The following RTL4 variants were observed in gnomAD, a reference collection of about 807,000 sequenced individuals.
RTL4 encodes retrotransposon Gag-like protein 4.
RTL4 carries 4 observed loss-of-function variants against 5.3 expected under a neutral mutation model. The ratio of observed to expected loss-of-function variants is 0.75; its 90% CI spans 0.37 to 1.72. The LOEUF is 1.72. Among genes scored for constraint, RTL4 ranks in the 40% most tolerant of loss-of-function variants. The pLI, the probability that RTL4 is intolerant of heterozygous loss-of-function variation, is 0.04. For synonymous variants in RTL4, 98 were observed against 87.3 expected (o/e 1.12, Z -0.68); for missense variants, 260 against 227.1 (o/e 1.14, Z -0.93).
At chrX:112,202,498 C>T in the RTL4 span, among the ~76,000 whole-genome samples, 4 of 108,278 alleles carry the variant, frequency 3.7e-5, no homozygotes, top group African/African-American at 1.3e-4. Context: ...CAAGAGTGCT[C>T]TTGTTGAGTC....
the RTL4 span, among the ~76,000 whole-genome samples, chrX:112,146,756 C>T: frequency 9.1e-6 from 1 of 109,446 alleles, no homozygotes; most frequent in African/African-American, 3.3e-5. Flanking sequence ...TGCTGAAAGA[C>T]CTGCGCTGAG....
chrX:112,354,829 G>C, the RTL4 span, among the ~76,000 whole-genome samples: 1 of 111,059 alleles, frequency 9.0e-6, no homozygotes, highest in Non-Finnish European at 1.9e-5. Flanking sequence ...ACTCTTTGAG[G>C]TTCACCCTTT....
At chrX:112,389,516 C>T in the RTL4 span, among the ~76,000 whole-genome samples, 1 of 111,039 alleles carries the variant, frequency 9.0e-6, no homozygotes, top group Non-Finnish European at 1.9e-5. Flanking sequence ...ATCTTTCTAA[C>T]TTTTTGATGT....
upstream of RTL4, among the ~76,000 whole-genome samples, chrX:112,452,957 G>A (rs1299291291): frequency 3.6e-5 from 4 of 109,737 alleles, no homozygotes; most frequent in Non-Finnish European, 7.6e-5. Flanking sequence ...GCTTGAACCC[G>A]GCAGGCGGAG....
the RTL4 span, among the ~76,000 whole-genome samples, chrX:112,418,163 C>T: frequency 1.8e-5 from 2 of 111,351 alleles, no homozygotes; most frequent in African/African-American, 3.3e-5. Flanking sequence ...AACAAATAAA[C>T]AAATAAAATA....
the RTL4 span, among the ~76,000 whole-genome samples, chrX:112,376,101 G>A: frequency 6.3e-5 from 7 of 110,808 alleles, no homozygotes; most frequent in African/African-American, 2.0e-4. Context: ...CTGGAATCTC[G>A]TGGATAGAGG....
the RTL4 span, among the ~76,000 whole-genome samples, chrX:112,109,533 A>G: frequency 2.7e-5 from 3 of 111,300 alleles, no homozygotes; most frequent in Non-Finnish European, 5.7e-5. Flanking sequence ...CAGAGTGCTG[A>G]TTGGTTCATT....
chrX:112,152,550 G>A, the RTL4 span, among the ~76,000 whole-genome samples: 5 of 111,234 alleles, frequency 4.5e-5, no homozygotes, highest in South Asian at 3.8e-4. Context: ...CGCCCTGATA[G>A]CAACTTGACC....
the RTL4 span, among the ~76,000 whole-genome samples, chrX:112,366,044 C>T: frequency 1.4e-4 from 15 of 110,862 alleles, no homozygotes; most frequent in Non-Finnish European, 1.9e-5. Flanking sequence ...TATAGTAGCC[C>T]ATGGGTATTG....
the RTL4 span, among the ~76,000 whole-genome samples, chrX:112,235,185 G>A: frequency 7.2e-5 from 8 of 111,832 alleles, no homozygotes; most frequent in Non-Finnish European, 1.3e-4. Flanking sequence ...TTCTTTAAGA[G>A]TCACCACTTT....
the RTL4 span, among the ~76,000 whole-genome samples, chrX:112,342,445 G>A: frequency 1.1e-4 from 12 of 111,439 alleles, no homozygotes; most frequent in East Asian, 3.4e-3. Context: ...CATAATTCTA[G>A]ATTCTTAATG....
the RTL4 span, among the ~76,000 whole-genome samples, chrX:112,295,452 C>T: frequency 8.9e-6 from 1 of 112,508 alleles, no homozygotes; most frequent in African/African-American, 3.2e-5. Context: ...CAAGTGGTTT[C>T]AGTGAGCACT....
At chrX:112,152,883 A>C in the RTL4 span, among the ~76,000 whole-genome samples, 1 of 111,538 alleles carries the variant, frequency 9.0e-6, no homozygotes, top group Non-Finnish European at 1.9e-5. Flanking sequence ...AGGAAGTTAC[A>C]TGAACTTATT....
chrX:112,212,880 G>A, the RTL4 span, among the ~76,000 whole-genome samples: 1 of 112,155 alleles, frequency 8.9e-6, no homozygotes, highest in Non-Finnish European at 1.9e-5. Context: ...ACATAATTAC[G>A]GTGCTATATA....
chrX:112,134,408 G>T, the RTL4 span, among the ~76,000 whole-genome samples: 2 of 112,223 alleles, frequency 1.8e-5, no homozygotes, highest in South Asian at 7.3e-4. Context: ...ATGATTTTAA[G>T]AAAAATGCAA....
chrX:112,199,084 C>A, the RTL4 span, among the ~76,000 whole-genome samples: 4 of 109,968 alleles, frequency 3.6e-5, no homozygotes, highest in East Asian at 8.7e-4. Flanking sequence ...GTCAGGAGAT[C>A]GAGACCATCC....
chrX:112,331,821 T>G, the RTL4 span, among the ~76,000 whole-genome samples: 110 of 88,028 alleles, frequency 1.2e-3, no homozygotes, highest in African/African-American at 3.8e-3. Context: ...TGGAATACTA[T>G]GCAGCCATAA....
chrX:112,241,598 C>G, the RTL4 span, among the ~76,000 whole-genome samples: 1 of 112,050 alleles, frequency 8.9e-6, no homozygotes, highest in Non-Finnish European at 1.9e-5. Flanking sequence ...GCTATTAGCC[C>G]TTTGTCAAAT....
chrX:112,122,097 A>G, the RTL4 span, among the ~76,000 whole-genome samples: 1 of 111,869 alleles, frequency 8.9e-6, no homozygotes, highest in East Asian at 2.8e-4. Flanking sequence ...ATAGGAAGAA[A>G]GGAAATCAGT....
Sources: allele counts gnomAD v4.1 joint callset (sites outside exome capture counted in the v4.1 genomes callset), GRCh38; gene constraint gnomAD v4.1.1; transcripts MANE v1.5; gene names NCBI Gene and HGNC (gene_info 2026-07-23, HGNC 2026-07-21).